The following GPR84 variants were observed in gnomAD, a reference collection of about 807,000 sequenced individuals.
GPR84 encodes the protein G protein-coupled receptor 84, also known as G-protein coupled receptor 84.
In GPR84, 8 loss-of-function variants were observed where a neutral mutation model predicts 14.9. The observed-to-expected ratio is 0.54, with a 90% CI of 0.31 to 0.97. The LOEUF is 0.97. GPR84 is among the 50% of genes least tolerant of loss of function. The pLI, the probability that GPR84 is intolerant of heterozygous loss-of-function variation, is 0.04. For synonymous variants in GPR84, 164 were observed against 198.1 expected, an observed-to-expected ratio of 0.83 and a Z score of 1.45; for missense variants, 424 against 498.7, an observed-to-expected ratio of 0.85 and a Z score of 1.43.
chr12:54,363,918 T>C, intron 1 of GPR84, 59 bp from the exon 2 acceptor site: 1 of 1,166,520 alleles, frequency 8.6e-7, no homozygotes, highest in Non-Finnish European at 1.2e-6. Flanking sequence ...TCAACTTAGA[T>C]CTCTTGAACA....
In GPR84 at chr12:54,363,035, C is replaced by A; in HGVS notation, c.817G>T (p.Glu273Ter). ...TTQTLEGDSSEVGDQINSKRA... is the reference protein window; with the variant it reads ...TTQTLEGDSS The stretch of plus-strand genomic sequence containing the variant: ...TTGCTGTTGATCTGGTCTCCCACTT[C>A]TGATGAGTCCCCTTCCAGGGTCTGG... Residue 273 changes from glutamate (E) to a stop codon, truncating the protein, a stop_gained, in exon 2 of 2, where the codon GAA becomes TAA. Transcript: ENST00000267015. LOFTEE classifies it high-confidence loss of function. 1 of 1,614,206 alleles carries A rather than the reference C, an allele frequency of 6.2e-7. No homozygotes were observed. The highest frequency in any genetic ancestry group is 8.5e-7 in the Non-Finnish European group (1 of 1,180,020).
rs1954279093 is a variant in GPR84, at chr12:54,362,486, C to T, written c.*175G>A. ...CATTTATTAATAATTAATAATACTC[C>T]TTGGGCAGTCTAGGGCTGAAACATT... On this transcript the variant is annotated 3_prime_UTR_variant, in exon 2 of 2. Transcript: ENST00000267015. The surrounding 1 kb of genome is among the most constrained non-coding windows in gnomAD (Gnocchi z 4.0). 3.3e-6 allele frequency: 2 copies of T among 614,822 alleles called. No individual in the cohort carries two copies. The highest frequency in any genetic ancestry group is 3.0e-6 in the Non-Finnish European group (1 of 337,444). 38.1% of individuals were successfully genotyped at this position (614,822 alleles called of 1,614,324 possible). A position where few individuals can be genotyped will look rare whatever the true frequency, so the allele number is the denominator to read the frequency against.
chr12:54,352,393 G>T, the GPR84 span, among the ~76,000 whole-genome samples: 1 of 152,092 alleles, frequency 6.6e-6, no homozygotes, highest in African/African-American at 2.4e-5. Flanking sequence ...CTGGCGCAGC[G>T]CCTGGCCCTG....
At chr12:54,354,273 G>C in the GPR84 span, among the ~76,000 whole-genome samples, 2 of 152,018 alleles carry the variant, frequency 1.3e-5, no homozygotes, top group Admixed American at 6.5e-5. Flanking sequence ...GTGCCACCAT[G>C]CCTGACTAAC....
In GPR84 at chr12:54,362,690, CTCTTTTTAA is replaced by C; in HGVS notation, c.1153_1161del (p.Leu385_Arg387del). ...TGGAGCCTATGGAAACTCCGGGGCCCTCTTTTTAAAATGGAGCCATATGCTTGGCGGAAT... is the reference window on the plus strand; with the variant it reads ...TGGAGCCTATGGAAACTCCGGGGCCCAATGGAGCCATATGCTTGGCGGAAT... On this transcript the variant is annotated inframe_deletion, in exon 2 of 2. Coordinates refer to ENST00000267015, the MANE Select transcript of GPR84 (RefSeq NM_020370.3). The surrounding 1 kb of genome is among the most constrained non-coding windows in gnomAD (Gnocchi z 4.0). 1 of 1,611,234 alleles carries C rather than the reference CTCTTTTTAA, an allele frequency of 6.2e-7. No individual in the cohort carries two copies. Among genetic ancestry groups the C allele is most frequent in the Non-Finnish European group, 8.5e-7 (1 of 1,177,882 alleles).
At chr12:54,352,371 A>G in the GPR84 span, among the ~76,000 whole-genome samples, 1 of 152,148 alleles carries the variant, frequency 6.6e-6, no homozygotes, top group African/African-American at 2.4e-5. Context: ...CGCACAAATG[A>G]ATGTGGCTGG....
downstream of GPR84, among the ~76,000 whole-genome samples, chr12:54,357,803 CA>C (rs1362210643): frequency 6.6e-6 from 1 of 152,192 alleles, no homozygotes; most frequent in Non-Finnish European, 1.5e-5. Context: ...CTTAAGGGGA[CA>C]GGGGGGAAAT....
At chr12:54,355,701 A>AC in the GPR84 span, among the ~76,000 whole-genome samples, 1 of 151,242 alleles carries the variant, frequency 6.6e-6, no homozygotes, top group South Asian at 2.1e-4. Flanking sequence ...CCCAGCTCTG[A>AC]CCCCCAGCCT....
chr12:54,363,642 G>T lies in GPR84; in HGVS notation c.210C>A (p.Cys70Ter), dbSNP rs895642718. The change falls in exon 2 of 2, where the codon TGC becomes TGA. Residue 70 changes from cysteine to a stop codon, truncating the protein, a stop_gained. Coordinates refer to ENST00000267015, the MANE Select transcript of GPR84 (RefSeq NM_020370.3). LOFTEE classifies it high-confidence loss of function. Reference sequence around the variant, plus strand: ...CCACAGAGAAGGGCTGAAGGAGCGTGCAGTAGAGGAGATCAGCCAGTGTGA... The same window carrying T: ...CCACAGAGAAGGGCTGAAGGAGCGTTCAGTAGAGGAGATCAGCCAGTGTGA... ...ANLTLADLLY[C>*]TLLQPFSVDT... 6.2e-7 allele frequency: 1 copy of T among 1,613,856 alleles called. No individual in the cohort carries two copies. The highest frequency in any genetic ancestry group is 1.3e-5 in the African/African-American group (1 of 74,906).
chr12:54,356,392 G>A, the GPR84 span, among the ~76,000 whole-genome samples: 4 of 152,254 alleles, frequency 2.6e-5, no homozygotes. Flanking sequence ...GCCCGAAATT[G>A]TCTCTACTCA....
the GPR84 span, among the ~76,000 whole-genome samples, chr12:54,356,840 C>T: frequency 1.1e-4 from 17 of 152,124 alleles, no homozygotes; most frequent in Non-Finnish European, 2.2e-4. Flanking sequence ...ATTTCTGATG[C>T]AAAGCCCAAA....
rs940589961 is a variant in GPR84 at position 54,363,675 on chromosome 12, T to C, written c.177A>G (p.Ile59Met). 6.2e-7 allele frequency: 1 copy of C among 1,614,030 alleles called. No homozygotes were observed. The highest frequency in any genetic ancestry group is 8.5e-7 in the Non-Finnish European group (1 of 1,179,968). Residue 59 changes from isoleucine to methionine, a missense_variant, in exon 2 of 2, where the codon ATA (isoleucine) becomes ATG (methionine). Coordinates refer to ENST00000267015, the MANE Select transcript of GPR84 (RefSeq NM_020370.3). ...GGAGATCAGCCAGTGTGAGGTTGGC[T>C]ATGAGCAGGTTGAATCGGGTACGGA... The part of the protein sequence containing the change: ...PKLRTRFNLL[I>M]ANLTLADLLY...
downstream of GPR84, among the ~76,000 whole-genome samples, chr12:54,360,016 T>C (rs962284395): frequency 6.6e-6 from 1 of 152,040 alleles, no homozygotes; most frequent in Non-Finnish European, 1.5e-5. Context: ...CCTTTCTACT[T>C]GACACCGTTG....
At position 54,362,524 on chromosome 12, in the gene GPR84, G is replaced by A. The variant is rs1954279708; in HGVS notation, c.*137C>T. The A allele has an allele frequency of 1.5e-6, 1 of 672,492 alleles. No individual in the cohort carries two copies. Among genetic ancestry groups the A allele is most frequent in the Admixed American group, 2.3e-5 (1 of 42,726 alleles). 41.7% of individuals were successfully genotyped at this position (672,492 alleles called of 1,614,324 possible). ...GGGCTGAAACATTGATCAAGTGATG[G>A]AGAGACTTGATTTGGGAGGCTGGGG... is the stretch of plus-strand genomic sequence containing the variant. On this transcript the variant is annotated 3_prime_UTR_variant, in exon 2 of 2. Coordinates refer to ENST00000267015, the MANE Select transcript of GPR84 (RefSeq NM_020370.3). The surrounding 1 kb of genome is among the most constrained non-coding windows in gnomAD (Gnocchi z 4.0).
At chr12:54,356,062 G>A in the GPR84 span, among the ~76,000 whole-genome samples, 203 of 152,258 alleles carry the variant, frequency 1.3e-3, no homozygotes, top group Non-Finnish European at 2.6e-3. Flanking sequence ...GAAACTAGAG[G>A]CAATCAGGCA....
chr12:54,363,286 A>C lies in GPR84; in HGVS notation c.566T>G (p.Leu189Arg), dbSNP rs1171500930. The change falls in exon 2 of 2, where the codon CTT (leucine) becomes CGT (arginine). Residue 189 changes from leucine (L) to arginine (R), a missense_variant. By Grantham distance (102) the Leu-to-Arg change is moderately radical. Coordinates refer to ENST00000267015, the MANE Select transcript of GPR84 (RefSeq NM_020370.3). ...GAAGATGCCAACACTGCTGAGCCCAAGCACAAAGTAGATGCCCATGAGGAT... is the reference window on the plus strand; with the variant it reads ...GAAGATGCCAACACTGCTGAGCCCACGCACAAAGTAGATGCCCATGAGGAT... The part of the protein sequence containing the change: ...TTILMGIYFV[L>R]GLSSVGIFYC... 18 of 1,614,088 alleles carry C rather than the reference A, an allele frequency of 1.1e-5. No homozygotes were observed. The highest frequency in any genetic ancestry group is 1.5e-5 in the Non-Finnish European group (18 of 1,180,050).
rs1396822735 is a variant in GPR84 at position 54,363,240 on chromosome 12, C to T, written c.612G>A (p.Gln204=). 6.2e-7 allele frequency: 1 copy of T among 1,614,212 alleles called. No homozygotes were observed. Among genetic ancestry groups the T allele is most frequent in the Non-Finnish European group, 8.5e-7 (1 of 1,180,038 alleles). Residue 204 remains glutamine (Q), a synonymous_variant, in exon 2 of 2, where the codon CAG becomes CAA. Coordinates refer to ENST00000267015, the MANE Select transcript of GPR84 (RefSeq NM_020370.3). The stretch of plus-strand genomic sequence containing the variant: ...CCAGTGCCTGTGCTGCTCGTTTGAC[C>T]TGGCGGTGGATGAGGCAATAGAAGA... The part of the protein sequence containing the change: ...VGIFYCLIHR[Q]VKRAAQALDQ...
downstream of GPR84, among the ~76,000 whole-genome samples, chr12:54,358,332 G>GGGA (rs1469011142): frequency 3.3e-5 from 5 of 152,028 alleles, 1 homozygote; most frequent in African/African-American, 1.2e-4. Flanking sequence ...GTCTTCATAG[G>GGGA]GGAGGAGGAG....
downstream of GPR84, among the ~76,000 whole-genome samples, chr12:54,360,092 G>C (rs1954253915): frequency 6.6e-6 from 1 of 152,046 alleles, no homozygotes; most frequent in African/African-American, 2.4e-5. Flanking sequence ...TCAACTTTCA[G>C]AATCTTAGAA....
Sources: allele counts gnomAD v4.1 joint callset (sites outside exome capture counted in the v4.1 genomes callset), GRCh38; gene constraint gnomAD v4.1.1; non-coding constraint Gnocchi (gnomAD v3.1); transcripts MANE v1.5; gene names NCBI Gene and HGNC (gene_info 2026-07-23, HGNC 2026-07-21).